Variants in VAV3 observed in about 807,000 individuals in gnomAD.
The protein encoded by VAV3 is guanine nucleotide exchange factor VAV3.
VAV3 carries 94 observed loss-of-function variants against 131.2 expected under a neutral mutation model. The ratio of observed to expected loss-of-function variants is 0.72; its 90% CI spans 0.61 to 0.85. VAV3 has a LOEUF of 0.85. VAV3 is among the 40% of genes least tolerant of loss of function. VAV3 has a pLI of 0.00. For missense variants in VAV3, 939 were observed against 1,002.7 expected, an observed-to-expected ratio of 0.94 and a Z score of 0.86; for synonymous variants, 349 against 342.0, an observed-to-expected ratio of 1.02 and a Z score of -0.22.
At chr1:107,824,350 C>CTTTG (rs139437231) in intron 2 of VAV3, among the ~76,000 whole-genome samples, 3 of 152,116 alleles carry the variant, frequency 2.0e-5, no homozygotes, top group Admixed American at 6.5e-5. Flanking sequence ...CAAGGAACTT[C>CTTTG]TTTGTTTGTT....
At chr1:107,677,361 T>A (rs553356342) in intron 19 of VAV3, among the ~76,000 whole-genome samples, 2 of 152,286 alleles carry the variant, frequency 1.3e-5, no homozygotes, top group African/African-American at 4.8e-5. Flanking sequence ...TTAAGTTACT[T>A]CAGACCTAAG....
chr1:107,739,292 G>A (rs894674792), intron 15 of VAV3, among the ~76,000 whole-genome samples: 6 of 152,214 alleles, frequency 3.9e-5, no homozygotes, highest in South Asian at 4.1e-4. Flanking sequence ...AAATACTTTC[G>A]CATGTTTCCG....
chr1:107,851,437 AATTTTCATTTT>A (rs1669229093), intron 2 of VAV3, among the ~76,000 whole-genome samples: 2 of 151,266 alleles, frequency 1.3e-5, no homozygotes, highest in Non-Finnish European at 2.9e-5. Flanking sequence ...TTCAATAGTG[AATTTTCATTTT>A]ATTTTCATTT....
intron 2 of VAV3, among the ~76,000 whole-genome samples, chr1:107,824,716 T>C (rs953819047): frequency 6.6e-6 from 1 of 152,144 alleles, no homozygotes; most frequent in Non-Finnish European, 1.5e-5. Context: ...ATATTAATTG[T>C]AAAAGGTAGT....
At chr1:107,705,170 C>G (rs917215929) in intron 15 of VAV3, 109 bp from the exon 16 acceptor site, 4 of 826,424 alleles carry the variant, frequency 4.8e-6, no homozygotes, top group Non-Finnish European at 7.8e-6. Flanking sequence ...AGATCTGATT[C>G]AAGCAAAATG....
chr1:107,805,302 T>C (rs1423408368), intron 2 of VAV3, among the ~76,000 whole-genome samples: 3 of 152,204 alleles, frequency 2.0e-5, no homozygotes, highest in Non-Finnish European at 2.9e-5. Context: ...TTATATTTCA[T>C]CTTCTGAGCT....
At chr1:107,737,257 A>C (rs1662705546) in intron 15 of VAV3, among the ~76,000 whole-genome samples, 1 of 152,244 alleles carries the variant, frequency 6.6e-6, no homozygotes, top group South Asian at 2.1e-4. Context: ...AAACCCTAGA[A>C]GAAAACCTAG....
chr1:107,721,239 C>G (rs1661479737), intron 15 of VAV3, among the ~76,000 whole-genome samples: 1 of 152,096 alleles, frequency 6.6e-6, no homozygotes, highest in Admixed American at 6.6e-5. Context: ...GTGAGGGGAG[C>G]ATATGTCCAT....
chr1:107,750,327 T>C (rs1663633188), intron 13 of VAV3, among the ~76,000 whole-genome samples: 1 of 152,266 alleles, frequency 6.6e-6, no homozygotes, highest in African/African-American at 2.4e-5. Context: ...ATTTCTTTTT[T>C]CTTATTAAGA....
chr1:107,811,785 G>A (rs1027303300), intron 2 of VAV3, among the ~76,000 whole-genome samples: 3 of 152,084 alleles, frequency 2.0e-5, no homozygotes, highest in Non-Finnish European at 4.4e-5. Flanking sequence ...ACAAATCAAA[G>A]GTGAACACTA....
At chr1:107,733,672 G>A (rs1023484405) in intron 15 of VAV3, among the ~76,000 whole-genome samples, 3 of 151,966 alleles carry the variant, frequency 2.0e-5, no homozygotes, top group Admixed American at 1.3e-4. Context: ...GAAATGAAGC[G>A]AGAAGAGAAG....
intron 19 of VAV3, 42 bp from the exon 20 acceptor site, chr1:107,642,797 G>A (rs747285279): frequency 6.2e-7 from 1 of 1,610,996 alleles, no homozygotes; most frequent in Non-Finnish European, 8.5e-7. Context: ...AGAAAACAAT[G>A]ATGCATGAAG....
intron 19 of VAV3, chr1:107,669,570 GTAAA>G: frequency 8.4e-7 from 1 of 1,186,752 alleles, no homozygotes. Flanking sequence ...GCTGATGGTT[GTAAA>G]TAAAGGTAGA....
intron 3 of VAV3, 37 bp from the exon 4 acceptor site, chr1:107,777,333 A>G (rs1423801478): frequency 6.3e-7 from 1 of 1,583,922 alleles, no homozygotes; most frequent in African/African-American, 1.4e-5. Context: ...AAAAAAACAA[A>G]CCCATGAGTG....
intron 1 of VAV3, among the ~76,000 whole-genome samples, chr1:107,939,946 C>T (rs1359060213): frequency 1.3e-5 from 2 of 152,010 alleles, no homozygotes; most frequent in African/African-American, 4.8e-5. Context: ...CCAGATGTAC[C>T]CATGAAGTTC....
intron 17 of VAV3, among the ~76,000 whole-genome samples, chr1:107,689,341 T>G (rs985374545): frequency 6.6e-6 from 1 of 151,994 alleles, no homozygotes; most frequent in Non-Finnish European, 1.5e-5. Context: ...CAGGCCTAAG[T>G]GGGAGCTCTG....
intron 2 of VAV3, among the ~76,000 whole-genome samples, chr1:107,790,650 C>G (rs1423680194): frequency 7.7e-6 from 1 of 130,548 alleles, no homozygotes; most frequent in Non-Finnish European, 1.6e-5. Context: ...TTTCCAGTGT[C>G]TTACATCACT....
chr1:107,794,264 A>G (rs1288763028), intron 2 of VAV3, among the ~76,000 whole-genome samples: 2 of 152,198 alleles, frequency 1.3e-5, no homozygotes. Context: ...GAGGAATTTG[A>G]CACTATTTGT....
intron 1 of VAV3, among the ~76,000 whole-genome samples, chr1:107,889,339 G>A (rs1022129307): frequency 3.9e-5 from 6 of 152,090 alleles, no homozygotes; most frequent in African/African-American, 7.2e-5. Context: ...GAGTTGCCAC[G>A]CAAGGTTTAA....
Sources: gnomAD v4.1 joint callset for allele counts (sites outside exome capture counted in the v4.1 genomes callset) on GRCh38, gnomAD v4.1.1 for gene constraint, MANE v1.5 for transcripts, NCBI Gene and HGNC (gene_info 2026-07-23, HGNC 2026-07-21) for gene names.